The following CACNA1I variants were observed in gnomAD, a reference collection of about 807,000 sequenced individuals.
CACNA1I encodes the protein voltage-dependent T-type calcium channel subunit alpha-1I.
Under a neutral mutation model 201.6 loss-of-function variants are expected in CACNA1I, and 74 were observed. That is an observed-to-expected ratio of 0.37 (90% CI 0.30 to 0.45). The LOEUF is 0.45. Among genes scored for constraint, CACNA1I ranks in the 20% least tolerant of loss-of-function variants. The pLI is 1.00. For synonymous variants in CACNA1I, 1,431 were observed against 1,345.2 expected (o/e 1.06, Z -1.40); for missense variants, 2,346 against 3,138.1 (o/e 0.75, Z 6.03).
Position 39,660,406 on chromosome 22 carries a change from TA to T in CACNA1I, c.2669del (p.Lys890SerfsTer19). The T allele has an allele frequency of 6.2e-7, 1 of 1,612,592 alleles. No individual in the cohort carries two copies. The highest frequency in any genetic ancestry group is 8.5e-7 in the Non-Finnish European group (1 of 1,179,618). On this transcript the variant is annotated frameshift_variant, in exon 15 of 37. Coordinates refer to ENST00000402142, the MANE Select transcript of CACNA1I (RefSeq NM_021096.4). LOFTEE classifies it high-confidence loss of function. ...GCTCATCCAACATAGAAGAGTTTGA[TA>T]AGCTCCAGGAAGGCCTGGACAGCAG... is the stretch of plus-strand genomic sequence containing the variant. ...QSSSNIEEFD[K>X]LQEGLDSSGD... is the part of the protein sequence containing the mutation.
intron 1 of CACNA1I, 87 bp from the exon 2 acceptor site, chr22:39,598,064 G>T (rs1932930747): frequency 1.4e-6 from 1 of 721,662 alleles, no homozygotes; most frequent in Admixed American, 2.1e-5. Flanking sequence ...CTGTGTGTGT[G>T]GTGGGTTGCG....
chr22:39,651,914 A>T, intron 10 of CACNA1I, among the ~76,000 whole-genome samples: 1 of 152,090 alleles, frequency 6.6e-6, no homozygotes, highest in Non-Finnish European at 1.5e-5. Context: ...TGTCAACACC[A>T]CGGCCAGGGC....
At chr22:39,610,089 G>A (rs1219459388) in intron 3 of CACNA1I, among the ~76,000 whole-genome samples, 4 of 152,214 alleles carry the variant, frequency 2.6e-5, no homozygotes, top group Non-Finnish European at 5.9e-5. Flanking sequence ...CTATTGGTGG[G>A]TAAGGGAAGC....
intron 24 of CACNA1I, 130 bp from the exon 25 acceptor site, chr22:39,669,908 C>T (rs1935318345): frequency 2.0e-6 from 2 of 995,856 alleles, no homozygotes; most frequent in East Asian, 2.4e-5. Flanking sequence ...CTCATTTAGA[C>T]CTCACAGCCA....
intron 10 of CACNA1I, among the ~76,000 whole-genome samples, chr22:39,652,857 A>G (rs1601498115): frequency 6.6e-6 from 1 of 152,214 alleles, no homozygotes; most frequent in African/African-American, 2.4e-5. Context: ...GTGATTGGTG[A>G]TTGTGCCACT....
At chr22:39,664,221 AG>A in intron 20 of CACNA1I, 62 bp downstream of exon 20, 1 of 1,359,940 alleles carries the variant, frequency 7.4e-7, no homozygotes, top group Non-Finnish European at 1.0e-6. Flanking sequence ...GCCCTGGGTC[AG>A]CCCCTGCCTC....
chr22:39,588,664 C>T (rs958835673), intron 1 of CACNA1I, among the ~76,000 whole-genome samples: 4 of 152,104 alleles, frequency 2.6e-5, no homozygotes, highest in Admixed American at 6.6e-5. Flanking sequence ...GGATTACAGG[C>T]GTGAGCCACT....
intron 3 of CACNA1I, among the ~76,000 whole-genome samples, chr22:39,617,998 A>T (rs541622148): frequency 6.6e-6 from 1 of 151,564 alleles, no homozygotes; most frequent in South Asian, 2.1e-4. Flanking sequence ...ATGTATGAGG[A>T]TGTCCAAGAA....
chr22:39,635,771 C>A (rs2146413878), intron 5 of CACNA1I, among the ~76,000 whole-genome samples: 1 of 152,204 alleles, frequency 6.6e-6, no homozygotes, highest in African/African-American at 2.4e-5. Context: ...AGCTCCGCCC[C>A]TCTGTCCCAC....
At chr22:39,678,895 G>C (rs543884583) in intron 31 of CACNA1I, among the ~76,000 whole-genome samples, 1 of 152,196 alleles carries the variant, frequency 6.6e-6, no homozygotes, top group Non-Finnish European at 1.5e-5. Context: ...AGGAGAGGGC[G>C]CTGGGCCATC....
At position 39,659,611 on chromosome 22, in the gene CACNA1I, G is replaced by T. The variant is rs908205549; in HGVS notation, c.2448+61G>T. ...AGCGATGGGACAGTAGGCCTGGGAG[G>T]GGCGGGGCTGACAACTCCCATGCCT... On this transcript the variant is annotated intron_variant, in intron 13 of 36. Coordinates refer to ENST00000402142, the MANE Select transcript of CACNA1I (RefSeq NM_021096.4). This position sits in a 1 kb window ranked among gnomAD's most constrained non-coding sequence, Gnocchi z 4.3. The T allele has an allele frequency of 6.3e-7, 1 of 1,596,156 alleles. No homozygotes were observed. Among genetic ancestry groups the T allele is most frequent in the Non-Finnish European group, 8.6e-7 (1 of 1,164,110 alleles).
intron 5 of CACNA1I, among the ~76,000 whole-genome samples, chr22:39,636,866 TCCGTCGTCAGGGCGGAG>T (rs1934231630): frequency 6.6e-6 from 1 of 152,114 alleles, no homozygotes. Flanking sequence ...TGGACAGAGC[TCCGTCGTCAGGGCGGAG>T]AAGGGCCCTT....
chr22:39,593,212 G>A (rs186988604), intron 1 of CACNA1I, among the ~76,000 whole-genome samples: 400 of 152,354 alleles, frequency 2.6e-3, no homozygotes, highest in Admixed American at 4.3e-3. Context: ...CTGTGAATCA[G>A]ACAATCTGGG....
At position 39,684,564 on chromosome 22, in the gene CACNA1I, T is replaced by G. The variant is rs180802783; in HGVS notation, c.6027+66T>G. On this transcript the variant is annotated intron_variant, in intron 36 of 36. Coordinates refer to ENST00000402142, the MANE Select transcript of CACNA1I (RefSeq NM_021096.4). This position sits in a 1 kb window ranked among gnomAD's most constrained non-coding sequence, Gnocchi z 4.6. ...CAAGGGGCAGGATCTAAGCCAGGCC[T>G]GGAAGTCCAAGGGACTGGGAGGGGA... The G allele has an allele frequency of 2.8e-4, 433 of 1,535,996 alleles. 2 individuals are homozygous for G. In the African/African-American group the frequency reaches 4.8e-3, roughly 17 times the overall value.
chr22:39,655,716 C>G (rs2146439603), intron 10 of CACNA1I, among the ~76,000 whole-genome samples: 1 of 152,190 alleles, frequency 6.6e-6, no homozygotes, highest in East Asian at 1.9e-4. Flanking sequence ...CTCCATGTCC[C>G]CTCCTCCTTG....
intron 3 of CACNA1I, among the ~76,000 whole-genome samples, chr22:39,617,078 G>A (rs987201859): frequency 6.6e-6 from 1 of 152,208 alleles, no homozygotes; most frequent in African/African-American, 2.4e-5. Flanking sequence ...AGAATAATGG[G>A]CCCGCGCTCA....
At chr22:39,617,550 C>T (rs1355204663) in intron 3 of CACNA1I, among the ~76,000 whole-genome samples, 4 of 152,172 alleles carry the variant, frequency 2.6e-5, no homozygotes, top group African/African-American at 4.8e-5. Context: ...TCCTGGGCCC[C>T]GCGGGTGCCA....
Position 39,646,699 on chromosome 22 carries a change from G to A in CACNA1I, c.1280G>A (p.Ser427Asn). Residue 427 changes from serine (S) to asparagine (N), a missense_variant, in exon 8 of 37, where the codon AGC (serine) becomes AAC (asparagine). Ser to Asn is a conservative substitution (Grantham distance 46). This residue lies in a region of CACNA1I where 312 missense variants were observed against 331.5 expected (regional missense o/e 0.94). Transcript: ENST00000402142. The part of the protein sequence containing the change: ...QRYLSSSTVA[S>N]YAEPGDCYEE... ...TACCTGTCCTCCAGCACGGTGGCCA[G>A]CTACGCCGAGCCTGGCGACTGCTAC... 6.3e-7 allele frequency: 1 copy of A among 1,593,278 alleles called. No homozygotes were observed.
intron 1 of CACNA1I, among the ~76,000 whole-genome samples, chr22:39,575,503 C>T (rs1005922002): frequency 6.6e-5 from 10 of 152,142 alleles, no homozygotes; most frequent in African/African-American, 2.4e-5. Flanking sequence ...GCTGTAGATT[C>T]AATTAGACAT....
Sources: gnomAD v4.1 joint callset for allele counts (sites outside exome capture counted in the v4.1 genomes callset) on GRCh38, gnomAD v4.1.1 for gene constraint, gnomAD v4.1.1 regional missense constraint, Gnocchi (gnomAD v3.1) non-coding constraint, MANE v1.5 for transcripts, NCBI Gene and HGNC (gene_info 2026-07-23, HGNC 2026-07-21) for gene names.